Variants in ASCC3 observed in about 807,000 individuals in gnomAD.
The protein encoded by ASCC3 is ASC-1 complex subunit P200.
Under a neutral mutation model 256.3 loss-of-function variants are expected in ASCC3, and 158 were observed. That is an observed-to-expected ratio of 0.62 (90% CI 0.54 to 0.70). The LOEUF (loss-of-function observed/expected upper bound fraction) is 0.70, where lower values mean the gene tolerates loss of function less well. Ranked by LOEUF, ASCC3 falls within the 30% of genes least tolerant of loss-of-function variation. ASCC3 has a pLI of 0.00. For synonymous variants in ASCC3, 948 were observed against 883.4 expected, an observed-to-expected ratio of 1.07 and a Z score of -1.30; for missense variants, 2,259 against 2,626.0, an observed-to-expected ratio of 0.86 and a Z score of 3.05.
chr6:100,556,510 A>T (rs1769582719), intron 36 of ASCC3, among the ~76,000 whole-genome samples: 1 of 152,210 alleles, frequency 6.6e-6, no homozygotes, highest in Non-Finnish European at 1.5e-5. Flanking sequence ...AACATGATTA[A>T]AGGTGGGAGT....
At chr6:100,843,946 T>C (rs1772269474) in intron 4 of ASCC3, among the ~76,000 whole-genome samples, 1 of 151,792 alleles carries the variant, frequency 6.6e-6, no homozygotes, top group African/African-American at 2.4e-5. Flanking sequence ...CTGTGAAACA[T>C]TATGTCTCAT....
intron 4 of ASCC3, among the ~76,000 whole-genome samples, chr6:100,828,323 T>TA (rs1422237736): frequency 9.9e-5 from 15 of 152,038 alleles, no homozygotes; most frequent in Non-Finnish European, 2.1e-4. Flanking sequence ...GAAATGGGGA[T>TA]AAAAAAAGTA....
In ASCC3 at chr6:100,589,650, A is replaced by G; in HGVS notation, c.5534T>C (p.Leu1845Pro). 1 of 1,613,614 alleles carries G rather than the reference A, an allele frequency of 6.2e-7. No homozygotes were observed. The highest frequency in any genetic ancestry group is 8.5e-7 in the Non-Finnish European group (1 of 1,179,764). The change falls in exon 36 of 42, where the codon CTG (leucine) becomes CCG (proline). Residue 1845 changes from leucine to proline, a missense_variant. Physicochemically the swap from Leu to Pro is moderately conservative, Grantham distance 98 (BLOSUM62 -3). Coordinates refer to ENST00000369162, the MANE Select transcript of ASCC3 (RefSeq NM_006828.4). ...RLKPECSTEE[L>P]LSILSDAEEY... Reference sequence around the variant, plus strand: ...AAAACTCACACTTAGAATTGAAAGCAGTTCTTCAGTACTGCATTCAGGCTT... The same window carrying G: ...AAAACTCACACTTAGAATTGAAAGCGGTTCTTCAGTACTGCATTCAGGCTT...
At chr6:100,611,019 C>T (rs770480496) in intron 30 of ASCC3, among the ~76,000 whole-genome samples, 10 of 152,094 alleles carry the variant, frequency 6.6e-5, no homozygotes, top group Non-Finnish European at 1.3e-4. Context: ...CGTGGCAATG[C>T]CAATCATACC....
intron 10 of ASCC3, among the ~76,000 whole-genome samples, chr6:100,734,627 T>C (rs1048346090): frequency 2.6e-5 from 4 of 152,184 alleles, no homozygotes; most frequent in African/African-American, 4.8e-5. Context: ...ATACTAAGCT[T>C]ATGTAAGTGT....
At position 100,679,601 on chromosome 6, in the gene ASCC3, T is replaced by C. The variant is rs763117022; in HGVS notation, c.2286+17A>G. On this transcript the variant is annotated intron_variant, in intron 14 of 41. Transcript: ENST00000369162. Reference sequence around the variant, plus strand: ...GGCATGTTACATGCTTTAGTTCTTGTCCTCTTTGTTTCTTACCTGTTTTTC... The same window carrying C: ...GGCATGTTACATGCTTTAGTTCTTGCCCTCTTTGTTTCTTACCTGTTTTTC... 2 of 1,613,332 alleles carry C rather than the reference T, an allele frequency of 1.2e-6. No homozygotes were observed. The highest frequency in any genetic ancestry group is 1.1e-5 in the South Asian group (1 of 91,054).
Position 100,541,446 on chromosome 6 carries a change from G to T in ASCC3, c.5551-1059C>A, listed in dbSNP as rs905838212. On this transcript the variant is annotated intron_variant, in intron 36 of 41. Coordinates refer to ENST00000369162, the MANE Select transcript of ASCC3 (RefSeq NM_006828.4). The stretch of plus-strand genomic sequence containing the variant: ...ACTGCATGGAGCGTTACCACACTGT[G>T]GTGTAGTGAGAGAGAATCCAGGTAC... Among the ~76,000 whole-genome samples, 6 of 152,160 alleles carry T rather than the reference G, an allele frequency of 3.9e-5. No individual in the cohort carries two copies. The East Asian group carries it at 5.8e-4, about 15-fold the overall frequency.
Position 100,638,753 on chromosome 6 carries a change from A to G in ASCC3, c.3970T>C (p.Phe1324Leu). 6.2e-7 allele frequency: 1 copy of G among 1,614,144 alleles called. No homozygotes were observed. Among genetic ancestry groups the G allele is most frequent in the Non-Finnish European group, 8.5e-7 (1 of 1,179,996 alleles). The change falls in exon 25 of 42, where the codon TTC becomes CTC. Residue 1324 changes from phenylalanine to leucine, a missense_variant. Around this residue, in one of 2 missense-constraint regions of ASCC3, gnomAD observed 1,839 missense variants for 2,206.7 expected, o/e 0.83. Transcript: ENST00000369162. ...GTCTGTACAGGGTTAAAGTGGCTGA[A>G]GTTGTACAGGGCTTCATATGCTTTA... is the stretch of plus-strand genomic sequence containing the variant. The part of the protein sequence containing the change: ...GCKAYEALYN[F>L]SHFNPVQTQI...
At chr6:100,566,014 T>C (rs1211323381) in intron 36 of ASCC3, among the ~76,000 whole-genome samples, 1 of 152,120 alleles carries the variant, frequency 6.6e-6, no homozygotes, top group East Asian at 1.9e-4. Context: ...AGACTAAGTG[T>C]TCTGAATCCC....
intron 37 of ASCC3, among the ~76,000 whole-genome samples, chr6:100,520,488 G>A (rs1774251052): frequency 6.7e-6 from 1 of 148,958 alleles, no homozygotes; most frequent in African/African-American, 2.5e-5. Flanking sequence ...TTGTCCCTCT[G>A]GGAAATTCCT....
chr6:100,725,040 A>C (rs765450566), intron 11 of ASCC3, among the ~76,000 whole-genome samples: 2 of 152,022 alleles, frequency 1.3e-5, no homozygotes, highest in Admixed American at 6.6e-5. Flanking sequence ...TCAGGTGCTC[A>C]GGGGATAAGT....
At chr6:100,644,547 T>C (rs953211436) in intron 22 of ASCC3, among the ~76,000 whole-genome samples, 6 of 152,208 alleles carry the variant, frequency 3.9e-5, no homozygotes, top group African/African-American at 1.4e-4. Flanking sequence ...TAATATCCCA[T>C]TGGATAGATA....
intron 23 of ASCC3, among the ~76,000 whole-genome samples, chr6:100,643,474 C>A (rs927940484): frequency 3.3e-5 from 5 of 152,106 alleles, no homozygotes. Context: ...TAAAGATTAT[C>A]CAGTCATGCA....
intron 30 of ASCC3, among the ~76,000 whole-genome samples, chr6:100,612,064 G>C (rs1307872464): frequency 6.6e-6 from 1 of 151,942 alleles, no homozygotes; most frequent in Non-Finnish European, 1.5e-5. Context: ...TGTTATTCTA[G>C]GTAGTGATCT....
intron 4 of ASCC3, among the ~76,000 whole-genome samples, chr6:100,843,513 C>T (rs6570974): frequency 0.99 from 151,255 of 152,312 alleles, 75,111 homozygotes; most frequent in Middle Eastern, 1. Context: ...CTATCAGTAT[C>T]TACATCAGCA....
At chr6:100,558,260 T>C (rs556653717) in intron 36 of ASCC3, among the ~76,000 whole-genome samples, 1 of 151,932 alleles carries the variant, frequency 6.6e-6, no homozygotes, top group Non-Finnish European at 1.5e-5. Context: ...GGTAAAAAAA[T>C]TTTCTATATG....
At chr6:100,651,685 A>G (rs1376239934) in intron 18 of ASCC3, 39 bp from the exon 19 acceptor site, 3 of 1,012,006 alleles carry the variant, frequency 3.0e-6, no homozygotes, top group African/African-American at 3.3e-5. Context: ...AAATAAAAAT[A>G]TTTTAAATAT....
At chr6:100,784,910 T>C (rs1782618677) in intron 8 of ASCC3, among the ~76,000 whole-genome samples, 1 of 152,080 alleles carries the variant, frequency 6.6e-6, no homozygotes, top group Non-Finnish European at 1.5e-5. Flanking sequence ...CCTAATGCTT[T>C]TGTAGTAATA....
chr6:100,866,674 G>A (rs1019574440), intron 2 of ASCC3, among the ~76,000 whole-genome samples: 1 of 152,178 alleles, frequency 6.6e-6, no homozygotes, highest in Non-Finnish European at 1.5e-5. Context: ...CCAGGGATGT[G>A]CTTGTACAGA....
Sources: allele counts gnomAD v4.1 joint callset (sites outside exome capture counted in the v4.1 genomes callset), GRCh38; gene constraint gnomAD v4.1.1; regional missense constraint gnomAD v4.1.1; transcripts MANE v1.5; gene names NCBI Gene and HGNC (gene_info 2026-07-23, HGNC 2026-07-21).